SEMA3E: variants seen among roughly 807,000 people sequenced by gnomAD.
SEMA3E encodes semaphorin 3E, also known as semaphorin-3E.
A neutral mutation model predicts 93.6 loss-of-function variants in SEMA3E; 49 were observed. That is an observed-to-expected ratio of 0.52 (90% CI 0.42 to 0.66). The LOEUF (loss-of-function observed/expected upper bound fraction) is 0.66, where lower values mean the gene tolerates loss of function less well. SEMA3E is among the 30% of genes least tolerant of loss of function. The pLI is 0.00. For synonymous variants in SEMA3E, 363 were observed against 330.7 expected (o/e 1.10, Z -1.06); for missense variants, 906 against 964.8 (o/e 0.94, Z 0.81).
At chr7:83,515,636 C>T (rs1170952234) in intron 1 of SEMA3E, among the ~76,000 whole-genome samples, 1 of 152,142 alleles carries the variant, frequency 6.6e-6, no homozygotes, top group Non-Finnish European at 1.5e-5. Flanking sequence ...CGGAATCTTC[C>T]AGATAGACTG....
At chr7:83,452,011 A>T (rs1789370278) in intron 4 of SEMA3E, among the ~76,000 whole-genome samples, 1 of 152,210 alleles carries the variant, frequency 6.6e-6, no homozygotes, top group Non-Finnish European at 1.5e-5. Context: ...TAGCCTCAGG[A>T]TTAACAGTTG....
intron 1 of SEMA3E, among the ~76,000 whole-genome samples, chr7:83,531,284 GT>G (rs34372992): frequency 0.24 from 18,974 of 80,548 alleles, 1,734 homozygotes; most frequent in South Asian, 0.41. Context: ...AAAATTCATA[GT>G]TTTTTTTTTT....
At chr7:83,509,817 A>C (rs1790779361) in intron 1 of SEMA3E, among the ~76,000 whole-genome samples, 1 of 152,146 alleles carries the variant, frequency 6.6e-6, no homozygotes, top group African/African-American at 2.4e-5. Flanking sequence ...TCTGCTGTAG[A>C]ATGTTTCTGC....
intron 1 of SEMA3E, among the ~76,000 whole-genome samples, chr7:83,525,931 G>A (rs1174453014): frequency 6.6e-6 from 1 of 150,894 alleles, no homozygotes; most frequent in Non-Finnish European, 1.5e-5. Flanking sequence ...TGTAAGCTTT[G>A]CTATAGAAAG....
At chr7:83,501,118 T>C (rs1466147738) in intron 1 of SEMA3E, among the ~76,000 whole-genome samples, 1 of 152,210 alleles carries the variant, frequency 6.6e-6, no homozygotes, top group African/African-American at 2.4e-5. Flanking sequence ...ATTTACATCA[T>C]ATTCTTTCTT....
intron 2 of SEMA3E, among the ~76,000 whole-genome samples, chr7:83,475,783 C>T (rs762526018): frequency 6.6e-6 from 1 of 152,234 alleles, no homozygotes; most frequent in Middle Eastern, 3.4e-3. Context: ...GTTTTTGTCA[C>T]AAAGATAAGA....
intron 1 of SEMA3E, among the ~76,000 whole-genome samples, chr7:83,641,094 A>G (rs1584382223): frequency 6.6e-6 from 1 of 152,330 alleles, no homozygotes; most frequent in East Asian, 1.9e-4. Context: ...GATGAGAAAG[A>G]AGGTGAATAG....
At chr7:83,403,541 AT>A (rs964454458) in intron 9 of SEMA3E, among the ~76,000 whole-genome samples, 5 of 152,064 alleles carry the variant, frequency 3.3e-5, no homozygotes, top group South Asian at 2.1e-4. Flanking sequence ...ATTTTTAAAG[AT>A]TTTTTTAAAC....
chr7:83,620,744 T>C (rs931298711), intron 1 of SEMA3E, among the ~76,000 whole-genome samples: 5 of 151,918 alleles, frequency 3.3e-5, no homozygotes, highest in African/African-American at 9.7e-5. Flanking sequence ...AAATAAAAAC[T>C]ATATGATTTT....
intron 1 of SEMA3E, among the ~76,000 whole-genome samples, chr7:83,603,918 G>C (rs1418393559): frequency 1.3e-5 from 2 of 152,042 alleles, no homozygotes; most frequent in Non-Finnish European, 2.9e-5. Context: ...TTTTTTAAAG[G>C]CTATAAGAAG....
chr7:83,613,454 A>C (rs181328878), intron 1 of SEMA3E, among the ~76,000 whole-genome samples: 123 of 152,206 alleles, frequency 8.1e-4, no homozygotes, highest in African/African-American at 2.8e-3. Context: ...GTTTTCAGAA[A>C]GTGCTCTTTC....
At chr7:83,426,891 C>G (rs1788781705) in intron 4 of SEMA3E, among the ~76,000 whole-genome samples, 1 of 152,012 alleles carries the variant, frequency 6.6e-6, no homozygotes, top group Non-Finnish European at 1.5e-5. Flanking sequence ...TAGACACATT[C>G]TTAATTTCTT....
chr7:83,507,835 T>C (rs1364200081), intron 1 of SEMA3E, among the ~76,000 whole-genome samples: 1 of 151,878 alleles, frequency 6.6e-6, no homozygotes, highest in Non-Finnish European at 1.5e-5. Context: ...CCTGTGGTCC[T>C]GGCTACTTGG....
chr7:83,469,012 G>C (rs1029672247), intron 3 of SEMA3E, among the ~76,000 whole-genome samples: 3 of 152,076 alleles, frequency 2.0e-5, no homozygotes, highest in African/African-American at 4.8e-5. Flanking sequence ...AGTTGATTAA[G>C]ATATTAGAAA....
intron 4 of SEMA3E, among the ~76,000 whole-genome samples, chr7:83,423,809 C>T (rs1462548740): frequency 6.6e-6 from 1 of 151,998 alleles, no homozygotes; most frequent in Non-Finnish European, 1.5e-5. Context: ...CTGCACCCAG[C>T]CTCGATTTTA....
chr7:83,382,538 A>G (rs1197543970), intron 16 of SEMA3E, among the ~76,000 whole-genome samples: 1 of 152,008 alleles, frequency 6.6e-6, no homozygotes, highest in Non-Finnish European at 1.5e-5. Flanking sequence ...TGCAATAGGT[A>G]CATATAAATA....
intron 1 of SEMA3E, among the ~76,000 whole-genome samples, chr7:83,564,017 CA>C (rs1388215434): frequency 2.6e-5 from 4 of 152,014 alleles, no homozygotes; most frequent in Admixed American, 2.0e-4. Context: ...AGATAGTTGC[CA>C]AATAAGAGCT....
intron 5 of SEMA3E, among the ~76,000 whole-genome samples, chr7:83,417,742 A>G (rs1788582003): frequency 6.6e-6 from 1 of 152,182 alleles, no homozygotes; most frequent in Non-Finnish European, 1.5e-5. Flanking sequence ...AAATTGCAGG[A>G]AAATATTACT....
chr7:83,601,116 A>C (rs1380776041), intron 1 of SEMA3E, among the ~76,000 whole-genome samples: 1 of 152,232 alleles, frequency 6.6e-6, no homozygotes, highest in East Asian at 1.9e-4. Flanking sequence ...GCCCCAGGCC[A>C]GGGAAAGCAA....
Sources: allele counts gnomAD v4.1 joint callset (sites outside exome capture counted in the v4.1 genomes callset), GRCh38; gene constraint gnomAD v4.1.1; transcripts MANE v1.5; gene names NCBI Gene and HGNC (gene_info 2026-07-23, HGNC 2026-07-21).